The following FUT8 variants were observed in gnomAD, a reference collection of about 807,000 sequenced individuals.
The protein encoded by FUT8 is alpha-(1,6)-fucosyltransferase.
Under a neutral mutation model 71.3 loss-of-function variants are expected in FUT8, and 29 were observed. That is an observed-to-expected ratio of 0.41 (90% confidence interval 0.30 to 0.55). The LOEUF (loss-of-function observed/expected upper bound fraction) is 0.55, where lower values mean the gene tolerates loss of function less well. FUT8 is among the 20% of genes least tolerant of loss of function. The pLI is 0.34. For synonymous variants in FUT8, 254 were observed against 239.3 expected (o/e 1.06, Z -0.57); for missense variants, 544 against 702.1 (o/e 0.77, Z 2.55).
chr14:65,423,298 G>C (rs1217156176), intron 1 of FUT8, among the ~76,000 whole-genome samples: 1 of 137,118 alleles, frequency 7.3e-6, no homozygotes, highest in Non-Finnish European at 1.5e-5. Flanking sequence ...GTCTGGCTCT[G>C]TCGGCCAGGC....
chr14:65,428,595 G>A (rs920362757), intron 1 of FUT8, among the ~76,000 whole-genome samples: 4 of 152,194 alleles, frequency 2.6e-5, no homozygotes, highest in Non-Finnish European at 5.9e-5. Flanking sequence ...GGATGATTCA[G>A]CAATGAACAA....
chr14:65,606,033 CTG>C (rs1422554971), intron 3 of FUT8, among the ~76,000 whole-genome samples: 1 of 150,392 alleles, frequency 6.6e-6, no homozygotes, highest in African/African-American at 2.4e-5. Flanking sequence ...TTCTCTCCAC[CTG>C]TGACTTGTCT....
intron 1 of FUT8, among the ~76,000 whole-genome samples, chr14:65,448,516 C>T (rs1017455302): frequency 2.0e-5 from 3 of 152,050 alleles, no homozygotes; most frequent in Admixed American, 6.5e-5. Flanking sequence ...CTGTTTGATC[C>T]TTGCAGTATC....
intron 3 of FUT8, among the ~76,000 whole-genome samples, chr14:65,562,854 G>T (rs1377737675): frequency 6.6e-6 from 1 of 152,056 alleles, no homozygotes; most frequent in Non-Finnish European, 1.5e-5. Flanking sequence ...TTCTGTGAAG[G>T]AAGAATGTAG....
the FUT8 span, among the ~76,000 whole-genome samples, chr14:65,376,946 G>C: frequency 6.6e-6 from 1 of 152,148 alleles, no homozygotes; most frequent in Non-Finnish European, 1.5e-5. Flanking sequence ...CAGGTAGCCC[G>C]GAAGAGCCTG....
Position 65,673,547 on chromosome 14 carries a change from A to G in FUT8, c.835+4067A>G, listed in dbSNP as rs1165044689. ...AGCTGAGACCTAAATTATGAGTAGG[A>G]GTCAACCAGGTAGGGACATGGTGGA... is the stretch of plus-strand genomic sequence containing the variant. On this transcript the variant is annotated intron_variant, in intron 7 of 10. Transcript: ENST00000673929. 3.3e-5 allele frequency among the ~76,000 whole-genome samples: 5 copies of G among 152,338 alleles called. No homozygotes were observed. The East Asian group carries it at 9.6e-4, about 29-fold the overall frequency.
In FUT8 at chr14:65,729,148, C is replaced by T. The variant is rs375292504; in HGVS notation, c.1260-4083C>T. ...TCAAGAAATCCTCCTTCCTCAGCTT[C>T]CTGAGTAGCTGGGACCATTGGCATG... On this transcript the variant is annotated intron_variant, in intron 9 of 10. Transcript: ENST00000673929. Among the ~76,000 whole-genome samples the T allele has an allele frequency of 3.4e-5, 5 of 149,006 alleles. No individual in the cohort carries two copies. In the East Asian group the frequency reaches 1.0e-3, roughly 30 times the overall value.
At chr14:65,474,456 A>AAAAAAAAAAAAAAAAAAAAAAAAAAAC (rs1169769207) in intron 2 of FUT8, among the ~76,000 whole-genome samples, 2 of 147,896 alleles carry the variant, frequency 1.4e-5, no homozygotes, top group Admixed American at 6.8e-5. Flanking sequence ...AAAAAAAAAA[A>AAAAAAAAAAAAAAAAAAAAAAAAAAAC]AGCCAGGCGT....
upstream of FUT8, chr14:65,412,438 G>C: frequency 2.3e-6 from 1 of 426,626 alleles, no homozygotes; most frequent in Non-Finnish European, 4.8e-6. Flanking sequence ...CCGGGATCCA[G>C]GATCCGCTCG....
At chr14:65,575,659 C>G (rs1216708239) in intron 3 of FUT8, among the ~76,000 whole-genome samples, 1 of 150,602 alleles carries the variant, frequency 6.6e-6, no homozygotes, top group Non-Finnish European at 1.5e-5. Context: ...TGCTCTGTCC[C>G]CCAGACTGGA....
At chr14:65,696,706 T>C (rs1263842034) in intron 7 of FUT8, among the ~76,000 whole-genome samples, 1 of 152,144 alleles carries the variant, frequency 6.6e-6, no homozygotes, top group Non-Finnish European at 1.5e-5. Context: ...ATTACATGTA[T>C]GTCCACCTTT....
intron 7 of FUT8, among the ~76,000 whole-genome samples, chr14:65,682,831 AT>A (rs1290206539): frequency 6.6e-6 from 1 of 152,094 alleles, no homozygotes; most frequent in Non-Finnish European, 1.5e-5. Flanking sequence ...GTTATCTTGT[AT>A]TTTTCAAGTG....
At chr14:65,691,868 T>G (rs149955737) in intron 7 of FUT8, among the ~76,000 whole-genome samples, 2,683 of 152,268 alleles carry the variant, frequency 0.018, 81 homozygotes, top group African/African-American at 0.061. Context: ...CCTTAATCCA[T>G]TTAACCCTGA....
Position 65,627,501 on chromosome 14 carries a change from C to T in FUT8, c.483-1991C>T. On this transcript the variant is annotated intron_variant, in intron 5 of 10. Transcript: ENST00000673929. The surrounding 1 kb of genome is among the most constrained non-coding windows in gnomAD (Gnocchi z 4.0). Reference sequence around the variant, plus strand: ...TGTGCTGTCTGACCATTGACTTGGGCCTGTATATATTGCTATGGTTCCGGG... The same window carrying T: ...TGTGCTGTCTGACCATTGACTTGGGTCTGTATATATTGCTATGGTTCCGGG... Among the ~76,000 whole-genome samples, 1 of 152,154 alleles carries T rather than the reference C, an allele frequency of 6.6e-6. No individual in the cohort carries two copies. The highest frequency in any genetic ancestry group is 1.5e-5 in the Non-Finnish European group (1 of 68,024).
intron 6 of FUT8, among the ~76,000 whole-genome samples, chr14:65,644,447 C>T (rs962946355): frequency 6.6e-6 from 1 of 151,976 alleles, no homozygotes; most frequent in African/African-American, 2.4e-5. Context: ...CCCACCACCG[C>T]CTCCCGGGTT....
chr14:65,706,581 G>T lies in FUT8; in HGVS notation c.836-15194G>T, dbSNP rs182863915. ...GCAATTTATTTCTTGCAGTTCTAAA[G>T]ACTGTTGGCACCAACAGATTCAGTG... On this transcript the variant is annotated intron_variant, in intron 7 of 10. Coordinates refer to ENST00000673929, the MANE Select transcript of FUT8 (RefSeq NM_001371533.1). Among the ~76,000 whole-genome samples, 487 of 152,234 alleles carry T rather than the reference G, an allele frequency of 3.2e-3. 2 individuals are homozygous for T. Among genetic ancestry groups the T allele is most frequent in the African/African-American group, 0.011 (438 of 41,534 alleles).
intron 3 of FUT8, among the ~76,000 whole-genome samples, chr14:65,580,515 C>CT (rs1196322965): frequency 6.6e-6 from 1 of 151,696 alleles, no homozygotes; most frequent in South Asian, 2.1e-4. Context: ...ATATAACACA[C>CT]TATGTATACA....
At chr14:65,734,563 C>T (rs527422199) in intron 10 of FUT8, among the ~76,000 whole-genome samples, 4 of 152,318 alleles carry the variant, frequency 2.6e-5, no homozygotes, top group Admixed American at 6.5e-5. Flanking sequence ...ATTTATGTTT[C>T]TCCCTAATTG....
the FUT8 span, among the ~76,000 whole-genome samples, chr14:65,390,287 C>A: frequency 6.8e-6 from 1 of 147,902 alleles, no homozygotes; most frequent in South Asian, 2.1e-4. Flanking sequence ...TGTGCCACTG[C>A]ACTCCAGCCT....
Sources: allele counts gnomAD v4.1 joint callset (sites outside exome capture counted in the v4.1 genomes callset), GRCh38; gene constraint gnomAD v4.1.1; non-coding constraint Gnocchi (gnomAD v3.1); transcripts MANE v1.5; gene names NCBI Gene and HGNC (gene_info 2026-07-23, HGNC 2026-07-21).